The following DCTN1 variants were observed in gnomAD, a reference collection of about 807,000 sequenced individuals.
DCTN1 encodes 150 kDa dynein-associated polypeptide.
In DCTN1, 61 loss-of-function variants were observed where a neutral mutation model predicts 161.2. The observed-to-expected ratio is 0.38, with a 90% CI of 0.31 to 0.47. The LOEUF (loss-of-function observed/expected upper bound fraction) is 0.47. Ranked by LOEUF, DCTN1 falls within the 20% of genes least tolerant of loss-of-function variation. The probability of loss-of-function intolerance (pLI) is 0.99; values close to 1 mark genes in which losing one functional copy is unlikely to be tolerated. For missense variants in DCTN1, 1,404 were observed against 1,623.7 expected (o/e 0.86, Z 2.33); for synonymous variants, 653 against 632.4 (o/e 1.03, Z -0.49).
At position 74,369,206 on chromosome 2, in the gene DCTN1, A is replaced by G; in HGVS notation, c.1593T>C (p.Asn531=). 1 of 1,614,166 alleles carries G rather than the reference A, an allele frequency of 6.2e-7. No individual in the cohort carries two copies. The highest frequency in any genetic ancestry group is 8.5e-7 in the Non-Finnish European group (1 of 1,180,028). Residue 531 remains asparagine (N), a synonymous_variant, in exon 15 of 32, where the codon AAT becomes AAC. Transcript: ENST00000628224. The surrounding 1 kb of genome is among the most constrained non-coding windows in gnomAD (Gnocchi z 4.9). ...RQLTAHLQDV[N]RELTNQQEAS... ...CTTCCTGCTGGTTTGTCAGTTCCCG[A>G]TTCACATCCTAGGAGGAGAGACAGT...
intron 6 of DCTN1, among the ~76,000 whole-genome samples, chr2:74,373,545 G>A (rs911624291): frequency 2.0e-5 from 3 of 152,146 alleles, no homozygotes. Flanking sequence ...CCGATCACTA[G>A]GGAAGAGGGC....
Position 74,370,487 on chromosome 2 carries a change from C to A in DCTN1, c.1106G>T (p.Arg369Leu), listed in dbSNP as rs765995146. The change falls in exon 11 of 32, where the codon CGC becomes CTC. Residue 369 changes from arginine (R) to leucine (L), a missense_variant. This residue lies in a region of DCTN1 where 278 missense variants were observed against 363.8 expected (regional missense o/e 0.76). Transcript: ENST00000628224. This position sits in a 1 kb window ranked among gnomAD's most constrained non-coding sequence, Gnocchi z 4.4. ...QLKQLEEQNA[R>L]LKDALVRMRD... ...CTACCTCACCAGGGCATCCTTCAGG[C>A]GGGCATTCTGCTCCTCAAGCTGCTT... 1 of 1,614,184 alleles carries A rather than the reference C, an allele frequency of 6.2e-7. No individual in the cohort carries two copies. Among genetic ancestry groups the A allele is most frequent in the South Asian group, 1.1e-5 (1 of 91,070 alleles).
rs1326225689 is a variant in DCTN1, at chr2:74,363,416, C to T, written c.3223G>A (p.Gly1075Arg). Reference protein sequence around the residue: ...GEEQQRGAIPGQAPGSVPGPG... With the variant: ...GEEQQRGAIPRQAPGSVPGPG... ...CCTGGCACAGACCCTGGAGCCTGCC[C>T]AGGGATGGCTCCTGTGGGGACCATA... is the stretch of plus-strand genomic sequence containing the variant. The change falls in exon 28 of 32, where the codon GGG (glycine) becomes AGG (arginine). Residue 1075 changes from glycine (G) to arginine (R), a missense_variant. Transcript: ENST00000628224. 1.2e-6 allele frequency: 2 copies of T among 1,612,358 alleles called. No individual in the cohort carries two copies. The highest frequency in any genetic ancestry group is 1.3e-5 in the African/African-American group (1 of 74,988).
exon 1 of DCTN1, chr2:74,391,865 G>GCCCCCCCC: frequency 4.4e-6 from 2 of 452,642 alleles, no homozygotes; most frequent in Non-Finnish European, 8.8e-6. Flanking sequence ...TGCGGGGCCG[G>GCCCCCCCC]CCCCGCCCTC....
chr2:74,368,070 C>T lies in DCTN1; in HGVS notation c.1916G>A (p.Arg639Gln), dbSNP rs201095249. 9 of 1,611,272 alleles carry T rather than the reference C, an allele frequency of 5.6e-6. No individual in the cohort carries two copies. Among genetic ancestry groups the T allele is most frequent in the African/African-American group, 2.7e-5 (2 of 74,976 alleles). Residue 639 changes from arginine to glutamine, a missense_variant, in exon 17 of 32, where the codon CGG (arginine) becomes CAG (glutamine). This residue lies in a region of DCTN1 where 475 missense variants were observed against 489.8 expected (regional missense o/e 0.97). Transcript: ENST00000628224. ...CCCAGCAGCTCCTCGCAGCCCAGGC[C>T]GCTCTGAACAGTTCTCACTTAGTTC... The part of the protein sequence containing the change: ...KFELSENCSE[R>Q]PGLRGAAGEQ...
Position 74,380,252 on chromosome 2 carries a change from C to T in DCTN1, c.-215G>A, listed in dbSNP as rs1675453274. The T allele has an allele frequency of 1.6e-6, 1 of 633,914 alleles. No individual in the cohort carries two copies. The highest frequency in any genetic ancestry group is 1.7e-5 in the South Asian group (1 of 57,528). The allele number at this position is 633,914 out of a possible 1,614,324, so 39.3% of individuals were successfully genotyped here. The stretch of plus-strand genomic sequence containing the variant: ...CTGAGGAGCAAGTCCCCTCTGCTGC[C>T]TGAGGATTCCTGAACCCAGAGACAC... On this transcript the variant is annotated 5_prime_UTR_variant, in exon 1 of 32. Transcript: ENST00000628224.
rs767080798 is a variant in DCTN1 at position 74,362,747 on chromosome 2, T to C, written c.3530-18A>G. 2.5e-6 allele frequency: 4 copies of C among 1,613,270 alleles called. No homozygotes were observed. The highest frequency in any genetic ancestry group is 3.4e-6 in the Non-Finnish European group (4 of 1,179,564). ...CTTGGCAGCTGTGGGGAGAGAAAGC[T>C]GGTGAGGCCCACCAAGGCGCAGGCA... is the stretch of plus-strand genomic sequence containing the variant. On this transcript the variant is annotated intron_variant, in intron 29 of 31. Transcript: ENST00000628224.
intron 26 of DCTN1, chr2:74,364,773 A>C: frequency 2.3e-6 from 1 of 429,854 alleles, no homozygotes; most frequent in Non-Finnish European, 4.4e-6. Context: ...TCTGGGATAT[A>C]GGGCTGGGCA....
At chr2:74,371,401 A>C (rs751235620) in intron 8 of DCTN1, 136 bp downstream of exon 8, 63 of 1,243,926 alleles carry the variant, frequency 5.1e-5, no homozygotes, top group Non-Finnish European at 6.4e-5. Context: ...GTAGCAAGAT[A>C]TCCATAGGCT....
At chr2:74,391,091 C>G (rs1044063655) in intron 1 of DCTN1, 2 of 153,078 alleles carry the variant, frequency 1.3e-5, no homozygotes, top group East Asian at 3.8e-4. Context: ...ATCATTATCT[C>G]TTTTAACATC....
intron 20 of DCTN1, 42 bp from the exon 21 acceptor site, chr2:74,366,974 T>A (rs1331175931): frequency 6.2e-6 from 10 of 1,614,138 alleles, no homozygotes; most frequent in Non-Finnish European, 7.6e-6. Flanking sequence ...CAAGTTAGCA[T>A]TAAGGCTCGG....
upstream of DCTN1, chr2:74,383,802 C>T (rs748466418): frequency 5.3e-5 from 8 of 152,148 alleles, no homozygotes; most frequent in Admixed American, 3.9e-4. Flanking sequence ...TCCCGGTTAC[C>T]TCAACTGCAA....
rs778998726 is a variant in DCTN1, at chr2:74,365,523, C to T, written c.3021G>A (p.Lys1007=). The change falls in exon 25 of 32, where the codon AAG becomes AAA. Residue 1007 remains lysine, a synonymous_variant. Coordinates refer to ENST00000628224, the MANE Select transcript of DCTN1 (RefSeq NM_004082.5). The stretch of plus-strand genomic sequence containing the variant: ...CAGGGAAAGTGCCTGACTTCTCCTT[C>T]TTTCGCAGCAGTGCCTGGGTCTCCT... ...RLEETQALLR[K]KEKEFEETMD... The T allele has an allele frequency of 6.2e-7, 1 of 1,614,140 alleles. No homozygotes were observed. The highest frequency in any genetic ancestry group is 1.1e-5 in the South Asian group (1 of 91,074).
chr2:74,390,232 T>G (rs1453841676), intron 1 of DCTN1, among the ~76,000 whole-genome samples: 1 of 152,208 alleles, frequency 6.6e-6, no homozygotes, highest in Non-Finnish European at 1.5e-5. Flanking sequence ...AGAAAAATCA[T>G]AGTAGGCACA....
rs183595052 is a variant in DCTN1, at chr2:74,368,195, A to C, written c.1855-64T>G. On this transcript the variant is annotated intron_variant, in intron 16 of 31. Transcript: ENST00000628224. ...GAGGATGGAGAACAGAGACTCAGGA[A>C]TATAGTACTCAGAGCTTAACTATGT... 9.5e-5 allele frequency: 147 copies of C among 1,547,070 alleles called. No homozygotes were observed. In the African/African-American group the frequency reaches 1.7e-3, roughly 18 times the overall value.
In DCTN1 at chr2:74,376,736, C is replaced by G. The variant is rs767853891; in HGVS notation, c.414+6G>C. Reference sequence around the variant, plus strand: ...TCCACCCAGGCACAAATAGTAAACACACCACCTTCTTAGGCTTCAGTCCCC... The same window carrying G: ...TCCACCCAGGCACAAATAGTAAACAGACCACCTTCTTAGGCTTCAGTCCCC... On this transcript the variant is annotated splice_donor_region_variant and intron_variant, in intron 5 of 31. Transcript: ENST00000628224. 6.2e-7 allele frequency: 1 copy of G among 1,604,552 alleles called. No individual in the cohort carries two copies.
intron 8 of DCTN1, 150 bp from the exon 9 acceptor site, chr2:74,371,326 C>T: frequency 6.5e-7 from 1 of 1,549,234 alleles, no homozygotes; most frequent in South Asian, 1.1e-5. Flanking sequence ...TGAGAGGAAA[C>T]CGTAGCACAG....
chr2:74,379,154 C>T (rs1397282692), intron 1 of DCTN1, among the ~76,000 whole-genome samples: 4 of 152,132 alleles, frequency 2.6e-5, no homozygotes, highest in African/African-American at 4.8e-5. Context: ...GATGACTGAA[C>T]ACAATAGAAA....
chr2:74,366,918 A>G lies in DCTN1; in HGVS notation c.2331T>C (p.Ala777=), dbSNP rs1674459708. 1 of 1,614,102 alleles carries G rather than the reference A, an allele frequency of 6.2e-7. No individual in the cohort carries two copies. Among genetic ancestry groups the G allele is most frequent in the Admixed American group, 1.7e-5 (1 of 60,008 alleles). The change falls in exon 21 of 32, where the codon GCT becomes GCC. Residue 777 remains alanine (A), a synonymous_variant. Coordinates refer to ENST00000628224, the MANE Select transcript of DCTN1 (RefSeq NM_004082.5). ...LRAFLQGGQE[A]TDIALLLRDL... ...CCCGGAGCAGGAGGGCAATATCTGT[A>G]GCCTCCTGCCCACCCTACTCAGGAA...
Sources: gnomAD v4.1 joint callset for allele counts (sites outside exome capture counted in the v4.1 genomes callset) on GRCh38, gnomAD v4.1.1 for gene constraint, gnomAD v4.1.1 regional missense constraint, Gnocchi (gnomAD v3.1) non-coding constraint, MANE v1.5 for transcripts, NCBI Gene and HGNC (gene_info 2026-07-23, HGNC 2026-07-21) for gene names.